Variants in HSD17B2 observed in about 807,000 individuals in gnomAD.
HSD17B2 encodes the protein hydroxysteroid 17-beta dehydrogenase 2, also known as 17-beta-hydroxysteroid dehydrogenase type 2.
HSD17B2 carries 32 observed loss-of-function variants against 26.9 expected under a neutral mutation model. The ratio of observed to expected loss-of-function variants is 1.19; its 90% CI spans 0.90 to 1.60. The LOEUF (loss-of-function observed/expected upper bound fraction) is 1.60. HSD17B2 is among the 40% of genes most tolerant of loss of function. The pLI is 0.00. For missense variants in HSD17B2, 613 were observed against 468.6 expected (o/e 1.31, Z -2.85); for synonymous variants, 246 against 186.7 (o/e 1.32, Z -2.59).
At chr16:82,087,830 A>G (rs1297253792) in intron 3 of HSD17B2, among the ~76,000 whole-genome samples, 1 of 152,078 alleles carries the variant, frequency 6.6e-6, no homozygotes, top group East Asian at 1.9e-4. Context: ...AGGGCAAGAG[A>G]GAGGGAGAAA....
At chr16:82,049,812 G>A (rs1021565568) in intron 1 of HSD17B2, among the ~76,000 whole-genome samples, 2 of 152,228 alleles carry the variant, frequency 1.3e-5, no homozygotes, top group Admixed American at 6.5e-5. Flanking sequence ...ACAAACTAGA[G>A]ACAGTTCCTT....
intron 3 of HSD17B2, among the ~76,000 whole-genome samples, chr16:82,077,652 C>G (rs184484463): frequency 3.6e-4 from 54 of 151,954 alleles, no homozygotes; most frequent in African/African-American, 1.3e-3. Context: ...ATCACTTGAG[C>G]TCAGGGAGAT....
intron 4 of HSD17B2, chr16:82,096,030 G>C (rs1230377814): frequency 6.6e-6 from 1 of 151,904 alleles, no homozygotes; most frequent in African/African-American, 2.4e-5. Flanking sequence ...ACATTTTAAA[G>C]TAAATAAATT....
At chr16:82,039,264 C>CAA (rs910227844) in intron 1 of HSD17B2, among the ~76,000 whole-genome samples, 5 of 151,510 alleles carry the variant, frequency 3.3e-5, no homozygotes, top group African/African-American at 1.2e-4. Context: ...CACACACACA[C>CAA]ACACACACGC....
chr16:82,078,164 G>C (rs556873091), intron 3 of HSD17B2, among the ~76,000 whole-genome samples: 1 of 152,216 alleles, frequency 6.6e-6, no homozygotes, highest in East Asian at 1.9e-4. Flanking sequence ...AAAATATAAG[G>C]AGCTCAAACA....
At chr16:82,074,990 T>C (rs1904293886) in intron 3 of HSD17B2, among the ~76,000 whole-genome samples, 2 of 152,076 alleles carry the variant, frequency 1.3e-5, no homozygotes, top group Admixed American at 1.3e-4. Flanking sequence ...AATGAAATAA[T>C]ATCAAGTATC....
chr16:82,097,200 CTG>C (rs1904864428), intron 4 of HSD17B2: 4 of 148,792 alleles, frequency 2.7e-5, no homozygotes, highest in Non-Finnish European at 5.9e-5. Flanking sequence ...AGCTAAATTT[CTG>C]TGTATATGTC....
At chr16:82,059,123 G>A (rs1333221470) in intron 1 of HSD17B2, among the ~76,000 whole-genome samples, 1 of 152,164 alleles carries the variant, frequency 6.6e-6, no homozygotes, top group Non-Finnish European at 1.5e-5. Context: ...GGAAACTGGA[G>A]TTCTCTATAA....
chr16:82,047,344 A>C (rs980419491), intron 1 of HSD17B2, among the ~76,000 whole-genome samples: 9 of 152,228 alleles, frequency 5.9e-5, no homozygotes, highest in African/African-American at 1.7e-4. Context: ...AGACAATGGC[A>C]TAGGAGGGTT....
At chr16:82,043,684 C>CAAAAAAAAA (rs398030034) in intron 1 of HSD17B2, among the ~76,000 whole-genome samples, 4 of 22,546 alleles carry the variant, frequency 1.8e-4, no homozygotes, top group African/African-American at 6.9e-4. Flanking sequence ...AACTCTGTCT[C>CAAAAAAAAA]AAAAAAAAAA....
Position 82,043,684 on chromosome 16 carries a change from CAAAAAAA to C in HSD17B2, c.265+8019_265+8025del, listed in dbSNP as rs398030034. ...TGGGCGACAAGGCAAAACTCTGTCT[CAAAAAAA>C]AAAAAAAAAAAAAAAAAAAAAAATC... On this transcript the variant is annotated intron_variant, in intron 1 of 4. Coordinates refer to ENST00000199936, the MANE Select transcript of HSD17B2 (RefSeq NM_002153.3). Among the ~76,000 whole-genome samples the C allele has an allele frequency of 3.1e-4, 7 of 22,550 alleles. No homozygotes were observed. The East Asian group carries it at 4.3e-3, about 14-fold the overall frequency. 14.8% of individuals were successfully genotyped at this position (22,550 alleles called of 152,430 possible). A position where few individuals can be genotyped will look rare whatever the true frequency, so the allele number is the denominator to read the frequency against.
intron 3 of HSD17B2, among the ~76,000 whole-genome samples, chr16:82,089,215 C>G (rs1904614102): frequency 6.6e-6 from 1 of 152,182 alleles, no homozygotes; most frequent in East Asian, 1.9e-4. Context: ...GGGAATTATA[C>G]CAAAGAGTAC....
chr16:82,057,787 G>C (rs1340072452), intron 1 of HSD17B2, among the ~76,000 whole-genome samples: 1 of 152,094 alleles, frequency 6.6e-6, no homozygotes, highest in Non-Finnish European at 1.5e-5. Context: ...CAAATAGAGA[G>C]GCGTTCTACA....
At chr16:82,049,507 G>A (rs8045494) in intron 1 of HSD17B2, among the ~76,000 whole-genome samples, 9,131 of 152,300 alleles carry the variant, frequency 0.06, 909 homozygotes, top group African/African-American at 0.21. Flanking sequence ...GAATAGGCCA[G>A]GTCTGAATAT....
At position 82,035,406 on chromosome 16, in the gene HSD17B2, G is replaced by C; in HGVS notation, c.-19G>C. On this transcript the variant is annotated 5_prime_UTR_variant, in exon 1 of 5. Transcript: ENST00000199936. The stretch of plus-strand genomic sequence containing the variant: ...ACTCACTGGCCCTGAGCACTTGAAG[G>C]TGCAGCAAGTCACTGAGAATGAGCA... 1 of 1,603,640 alleles carries C rather than the reference G, an allele frequency of 6.2e-7. No homozygotes were observed. Among genetic ancestry groups the C allele is most frequent in the African/African-American group, 1.3e-5 (1 of 74,888 alleles).
At chr16:82,065,742 G>T (rs989525904) in intron 1 of HSD17B2, among the ~76,000 whole-genome samples, 1 of 152,222 alleles carries the variant, frequency 6.6e-6, no homozygotes, top group Non-Finnish European at 1.5e-5. Context: ...ACAGATGAAG[G>T]AGAAGGTGGC....
intron 1 of HSD17B2, among the ~76,000 whole-genome samples, chr16:82,055,406 G>C (rs567686543): frequency 6.6e-6 from 1 of 152,300 alleles, no homozygotes; most frequent in African/African-American, 2.4e-5. Context: ...TACAAGCTAA[G>C]CTTCATGGGA....
At chr16:82,086,222 A>T (rs1904523282) in intron 3 of HSD17B2, among the ~76,000 whole-genome samples, 1 of 152,224 alleles carries the variant, frequency 6.6e-6, no homozygotes, top group Non-Finnish European at 1.5e-5. Flanking sequence ...AGGTAGAAAC[A>T]ACTTAAGAAT....
At position 82,051,508 on chromosome 16, in the gene HSD17B2, C is replaced by A. The variant is rs568476764; in HGVS notation, c.265+15819C>A. On this transcript the variant is annotated intron_variant, in intron 1 of 4. Transcript: ENST00000199936. ...GCATGTTCTCACTCATAAGTGGGAA[C>A]TGAACTATGAGAACATAGGGACACA... Among the ~76,000 whole-genome samples the A allele has an allele frequency of 9.9e-5, 15 of 151,606 alleles. No homozygotes were observed. In the South Asian group the frequency reaches 2.7e-3, roughly 27 times the overall value.
Sources: allele counts gnomAD v4.1 joint callset (sites outside exome capture counted in the v4.1 genomes callset), GRCh38; gene constraint gnomAD v4.1.1; transcripts MANE v1.5; gene names NCBI Gene and HGNC (gene_info 2026-07-23, HGNC 2026-07-21).